The following OGA variants were observed in gnomAD, a reference collection of about 807,000 sequenced individuals.
OGA encodes O-GlcNAcase.
OGA carries 21 observed loss-of-function variants against 102.0 expected under a neutral mutation model. The ratio of observed to expected loss-of-function variants is 0.21; its 90% CI spans 0.15 to 0.30. The LOEUF is 0.30. Among genes scored for constraint, OGA ranks in the 10% least tolerant of loss-of-function variants. The probability of loss-of-function intolerance (pLI) is 1.00; values close to 1 mark genes in which losing one functional copy is unlikely to be tolerated. For synonymous variants in OGA, 408 were observed against 378.2 expected (o/e 1.08, Z -0.91); for missense variants, 765 against 1,107.8 (o/e 0.69, Z 4.39).
chr10:101,815,282 C>CTT (rs199871793), intron 1 of OGA, among the ~76,000 whole-genome samples: 6 of 147,470 alleles, frequency 4.1e-5, no homozygotes, highest in Non-Finnish European at 7.5e-5. Flanking sequence ...ACAAAATATT[C>CTT]TTTTTTTTTT....
chr10:101,812,717 C>T (rs1016660398), intron 3 of OGA: 13 of 415,620 alleles, frequency 3.1e-5, no homozygotes, highest in African/African-American at 2.0e-4. Flanking sequence ...TGCCCTGGGC[C>T]TAGCCCAGCT....
At position 101,790,811 on chromosome 10, in the gene OGA, AT is replaced by A. The variant is rs571950222; in HGVS notation, c.2454+84del. 93 of 1,046,358 alleles carry A rather than the reference AT, an allele frequency of 8.9e-5. 2 individuals carry two copies. In the South Asian group the frequency reaches 1.7e-3, roughly 19 times the overall value. The allele number at this position is 1,046,358 out of a possible 1,614,324, so 64.8% of individuals were successfully genotyped here. Reference sequence around the variant, plus strand: ...TTATGATGTATCTATGTACTTTTCCATTTTAGTAAGTACTTTAATAAAAAAT... The same window carrying A: ...TTATGATGTATCTATGTACTTTTCCATTTAGTAAGTACTTTAATAAAAAAT... On this transcript the variant is annotated intron_variant, in intron 14 of 15. Transcript: ENST00000361464.
At chr10:101,809,995 G>A (rs888712070) in intron 4 of OGA, among the ~76,000 whole-genome samples, 189 bp downstream of exon 4, 15 of 152,114 alleles carry the variant, frequency 9.9e-5, no homozygotes, top group Admixed American at 7.2e-4. Flanking sequence ...GCAGTGAGCC[G>A]AGATTGTGCC....
intron 7 of OGA, among the ~76,000 whole-genome samples, chr10:101,801,641 G>C (rs892691683): frequency 1.3e-5 from 2 of 152,112 alleles, no homozygotes; most frequent in South Asian, 4.1e-4. Context: ...TGCCATGTAC[G>C]CTGACAGCAT....
Position 101,806,106 on chromosome 10 carries a change from C to T in OGA, c.690G>A (p.Gln230=). The change falls in exon 6 of 16, where the codon CAG becomes CAA. Residue 230 remains glutamine, a synonymous_variant. Transcript: ENST00000361464. The part of the protein sequence containing the change: ...CGTFCYPNVS[Q]SPYLRTVGEK... ...CACCCACAGTCCTTAAATATGGAGACTGAGACACATTTGGATAACAGAAAG... is the reference window on the plus strand; with the variant it reads ...CACCCACAGTCCTTAAATATGGAGATTGAGACACATTTGGATAACAGAAAG... The T allele has an allele frequency of 1.2e-6, 2 of 1,611,790 alleles. No homozygotes were observed. The highest frequency in any genetic ancestry group is 1.7e-6 in the Non-Finnish European group (2 of 1,177,876).
chr10:101,787,716 G>T, intron 14 of OGA, 193 bp from the exon 15 acceptor site: 1 of 551,704 alleles, frequency 1.8e-6, no homozygotes, highest in South Asian at 2.4e-5. Flanking sequence ...TCCTTCTGTT[G>T]GCCAGGCTGG....
intron 11 of OGA, among the ~76,000 whole-genome samples, chr10:101,793,461 A>C (rs568605470): frequency 1.6e-4 from 24 of 152,350 alleles, no homozygotes; most frequent in African/African-American, 5.3e-4. Context: ...CAGCAAAAAA[A>C]CTTCCTATTT....
At chr10:101,806,212 TTTTC>T (rs758899080) in intron 5 of OGA, 69 bp from the exon 6 acceptor site, 141 of 1,024,648 alleles carry the variant, frequency 1.4e-4, no homozygotes, top group Non-Finnish European at 2.0e-4. Context: ...TGTTTGTTTG[TTTTC>T]TTTGAGACGG....
At position 101,817,840 on chromosome 10, in the gene OGA, G is replaced by A. The variant is rs2065660606; in HGVS notation, c.183C>T (p.Leu61=). The change falls in exon 1 of 16, where the codon CTC becomes CTT. Residue 61 remains leucine, a synonymous_variant. Transcript: ENST00000361464. ...AGAAGGARRF[L]CGVVEGFYGR... Reference sequence around the variant, plus strand: ...GGCGCTCACCTTCCACCACACCGCAGAGGAACCGCCGAGCCCCTCCTGCAG... The same window carrying A: ...GGCGCTCACCTTCCACCACACCGCAAAGGAACCGCCGAGCCCCTCCTGCAG... The A allele has an allele frequency of 1.3e-6, 2 of 1,539,930 alleles. No individual in the cohort carries two copies. The highest frequency in any genetic ancestry group is 2.4e-5 in the South Asian group (2 of 84,228).
At chr10:101,804,096 G>A in intron 6 of OGA, 77 bp from the exon 7 acceptor site, 1 of 1,380,076 alleles carries the variant, frequency 7.2e-7, no homozygotes, top group Non-Finnish European at 9.9e-7. Context: ...TGTAATCCCA[G>A]CACTCTGGGA....
intron 3 of OGA, among the ~76,000 whole-genome samples, chr10:101,811,832 AACT>A (rs1172969966): frequency 6.6e-6 from 1 of 152,246 alleles, no homozygotes; most frequent in African/African-American, 2.4e-5. Flanking sequence ...AAATCAACTT[AACT>A]ACTACTAGTA....
chr10:101,799,512 G>T, intron 8 of OGA, 57 bp from the exon 9 acceptor site: 2 of 1,479,128 alleles, frequency 1.4e-6, no homozygotes, highest in South Asian at 1.3e-5. Flanking sequence ...CAGAATTAGA[G>T]ATAGAACACA....
intron 14 of OGA, among the ~76,000 whole-genome samples, chr10:101,789,395 G>A (rs1263236309): frequency 3.3e-5 from 5 of 152,154 alleles, no homozygotes; most frequent in Admixed American, 3.3e-4. Context: ...CTACTCGAGA[G>A]GCTGAAGCAG....
At position 101,817,890 on chromosome 10, in the gene OGA, C is replaced by T. The variant is rs762317970; in HGVS notation, c.133G>A (p.Ala45Thr). The change falls in exon 1 of 16, where the codon GCT (alanine) becomes ACT (threonine). Residue 45 changes from alanine to threonine, a missense_variant. Transcript: ENST00000361464. ...GCCCCGGCCACCGCCGCTCCCCCAG[C>T]CCCGGCGGGGTTGTCTTCTCCGGGT... is the stretch of plus-strand genomic sequence containing the variant. ...PAPGEDNPAG[A>T]GGAAVAGAAG... 1.9e-6 allele frequency: 3 copies of T among 1,558,410 alleles called. No homozygotes were observed. Among genetic ancestry groups the T allele is most frequent in the African/African-American group, 1.4e-5 (1 of 73,376 alleles).
chr10:101,801,685 GGGA>G (rs1315376880), intron 7 of OGA, among the ~76,000 whole-genome samples: 6 of 152,254 alleles, frequency 3.9e-5, no homozygotes, highest in African/African-American at 1.2e-4. Context: ...TTTTATTGAG[GGGA>G]GGAGGATGAC....
At chr10:101,790,524 G>T (rs149613931) in intron 14 of OGA, among the ~76,000 whole-genome samples, 8,355 of 152,052 alleles carry the variant, frequency 0.055, 245 homozygotes, top group African/African-American at 0.059. Context: ...TGATACACCC[G>T]CCTTGGCCTC....
intron 12 of OGA, 32 bp downstream of exon 12, chr10:101,792,807 T>C (rs144632477): frequency 2.7e-6 from 4 of 1,469,384 alleles, no homozygotes; most frequent in Non-Finnish European, 3.8e-6. Flanking sequence ...ACCATACCCA[T>C]ACACCAAGTT....
chr10:101,805,474 G>C (rs1363149501), intron 6 of OGA, among the ~76,000 whole-genome samples: 1 of 152,064 alleles, frequency 6.6e-6, no homozygotes, highest in African/African-American at 2.4e-5. Context: ...GGCTAACATG[G>C]AGAAACCCCG....
chr10:101,795,937 G>A (rs573260415), intron 10 of OGA: 2 of 977,400 alleles, frequency 2.0e-6, no homozygotes, highest in Non-Finnish European at 2.4e-6. Flanking sequence ...ATTTTGGAAA[G>A]CTACCACCAT....
Sources: gnomAD v4.1 joint callset for allele counts (sites outside exome capture counted in the v4.1 genomes callset) on GRCh38, gnomAD v4.1.1 for gene constraint, MANE v1.5 for transcripts, NCBI Gene and HGNC (gene_info 2026-07-23, HGNC 2026-07-21) for gene names.